SMG5: variants seen among roughly 807,000 people sequenced by gnomAD.
SMG5 encodes nonsense-mediated mRNA decay factor SMG5.
A neutral mutation model predicts 122.9 loss-of-function variants in SMG5; 53 were observed. That is an observed-to-expected ratio of 0.43 (90% CI 0.35 to 0.54). The LOEUF (loss-of-function observed/expected upper bound fraction) is 0.54. Among genes scored for constraint, SMG5 ranks in the 20% least tolerant of loss-of-function variants. The pLI is 0.01. For missense variants in SMG5, 1,153 were observed against 1,285.6 expected (o/e 0.90, Z 1.58); for synonymous variants, 477 against 490.2 (o/e 0.97, Z 0.35).
At chr1:156,251,072 G>C (rs1257992349) in intron 20 of SMG5, 76 bp from the exon 21 acceptor site, 3 of 1,562,552 alleles carry the variant, frequency 1.9e-6, no homozygotes, top group Non-Finnish European at 1.7e-6. Flanking sequence ...ATCTCCAGGG[G>C]ACAGGGGCAG....
intron 13 of SMG5, 127 bp downstream of exon 13, chr1:156,263,268 A>G (rs1661942017): frequency 1.9e-6 from 2 of 1,051,658 alleles, no homozygotes; most frequent in Non-Finnish European, 2.8e-6. Context: ...CAGCACAGAT[A>G]GGTGATTAAT....
rs1661315240 is a variant in SMG5, at chr1:156,250,849, A to G, written c.2967+9T>C. On this transcript the variant is annotated intron_variant, in intron 21 of 21. Coordinates refer to ENST00000361813, the MANE Select transcript of SMG5 (RefSeq NM_015327.3). Reference sequence around the variant, plus strand: ...TCCACACCATCCCCCCACCTCACCCATGACCCACCTGCATGGGGCCTGAAA... The same window carrying G: ...TCCACACCATCCCCCCACCTCACCCGTGACCCACCTGCATGGGGCCTGAAA... 3 of 1,613,704 alleles carry G rather than the reference A, an allele frequency of 1.9e-6. No homozygotes were observed. The highest frequency in any genetic ancestry group is 2.5e-6 in the Non-Finnish European group (3 of 1,179,794).
At position 156,249,747 on chromosome 1, in the gene SMG5, A is replaced by G; in HGVS notation, c.*840T>C. 1 of 469,902 alleles carries G rather than the reference A, an allele frequency of 2.1e-6. No individual in the cohort carries two copies. Among genetic ancestry groups the G allele is most frequent in the Non-Finnish European group, 4.4e-6 (1 of 226,906 alleles). The allele number at this position is 469,902 out of a possible 1,614,324, so 29.1% of individuals were successfully genotyped here. ...AAGGGGGGTGGTGGCCTCAGACTGCACCCCCTTTCTTCTCTTCCTGGCATC... is the reference window on the plus strand; with the variant it reads ...AAGGGGGGTGGTGGCCTCAGACTGCGCCCCCTTTCTTCTCTTCCTGGCATC... On this transcript the variant is annotated 3_prime_UTR_variant, in exon 22 of 22. Coordinates refer to ENST00000361813, the MANE Select transcript of SMG5 (RefSeq NM_015327.3).
chr1:156,255,771 T>G (rs913767726), intron 16 of SMG5, among the ~76,000 whole-genome samples: 9 of 151,668 alleles, frequency 5.9e-5, no homozygotes, highest in African/African-American at 2.2e-4. Context: ...AGCTTGGTGA[T>G]GCATGCCTGT....
In SMG5 at chr1:156,251,485, G is replaced by T. The variant is rs201762817; in HGVS notation, c.2754-8C>A. The T allele has an allele frequency of 6.2e-7, 1 of 1,613,566 alleles. No individual in the cohort carries two copies. Among genetic ancestry groups the T allele is most frequent in the Middle Eastern group, 1.7e-4 (1 of 5,820 alleles). On this transcript the variant is annotated splice_region_variant and splice_polypyrimidine_tract_variant and intron_variant, in intron 19 of 21. Transcript: ENST00000361813. ...TTCTGGCAGCGAATGTACCTGCAGA[G>T]GAGATGTGCGAGTGGAGGTCAGGAG...
At chr1:156,273,049 CTA>C (rs1163256829) in intron 6 of SMG5, among the ~76,000 whole-genome samples, 3 of 152,152 alleles carry the variant, frequency 2.0e-5, no homozygotes, top group African/African-American at 7.2e-5. Flanking sequence ...CCATCTCTCT[CTA>C]TAATAGTCTT....
chr1:156,261,523 G>C (rs962501852), intron 13 of SMG5, 115 bp from the exon 14 acceptor site: 40 of 790,392 alleles, frequency 5.1e-5, no homozygotes, highest in Non-Finnish European at 8.1e-5. Context: ...GCCTGTGGGG[G>C]TTTGATTTTA....
At chr1:156,256,219 A>G (rs913830303) in intron 16 of SMG5, among the ~76,000 whole-genome samples, 1 of 151,906 alleles carries the variant, frequency 6.6e-6, no homozygotes, top group Non-Finnish European at 1.5e-5. Flanking sequence ...TGTCCTGCCC[A>G]AGGTGCCAAG....
chr1:156,265,997 C>G lies in SMG5; in HGVS notation c.1639G>C (p.Glu547Gln). ...PTLEPPRGRSEAPDSLNGPLG... is the reference protein window; with the variant it reads ...PTLEPPRGRSQAPDSLNGPLG... ...GGGCCATTGAGGGAATCGGGAGCCT[C>G]TGATCTGCCCCGAGGGGGCTCCAGG... Residue 547 changes from glutamate (E) to glutamine (Q), a missense_variant, in exon 12 of 22, where the codon GAG (glutamate) becomes CAG (glutamine). This residue lies in a region of SMG5 where 631 missense variants were observed against 650.6 expected (regional missense o/e 0.97). Coordinates refer to ENST00000361813, the MANE Select transcript of SMG5 (RefSeq NM_015327.3). 1 of 1,614,206 alleles carries G rather than the reference C, an allele frequency of 6.2e-7. No homozygotes were observed. Among genetic ancestry groups the G allele is most frequent in the Non-Finnish European group, 8.5e-7 (1 of 1,180,038 alleles).
rs372656209 is a variant in SMG5 at position 156,260,514 on chromosome 1, G to A, written c.2220C>T (p.Leu740=). The A allele has an allele frequency of 1.9e-6, 3 of 1,589,384 alleles. No individual in the cohort carries two copies. The highest frequency in any genetic ancestry group is 2.6e-6 in the Non-Finnish European group (3 of 1,171,302). The change falls in exon 15 of 22, where the codon CTC becomes CTT. Residue 740 remains leucine, a synonymous_variant. Coordinates refer to ENST00000361813, the MANE Select transcript of SMG5 (RefSeq NM_015327.3). The stretch of plus-strand genomic sequence containing the variant: ...AGTTAAAGCGTCTGTGGGCAGCTCG[G>A]AGCGGGGGCAGGTTACGAAGAGCCA... ...EDMALRNLPP[L]RAAHRRFNFD...
At chr1:156,273,287 C>T (rs1376891310) in intron 6 of SMG5, 74 bp downstream of exon 6, 5 of 1,218,420 alleles carry the variant, frequency 4.1e-6, no homozygotes, top group Non-Finnish European at 6.1e-6. Flanking sequence ...TATGAACTGC[C>T]TGCCATCTCA....
rs894122455 is a variant in SMG5, at chr1:156,282,627, G to C, written c.54C>G (p.Leu18=). The C allele has an allele frequency of 3.4e-5, 54 of 1,608,872 alleles. No homozygotes were observed. The highest frequency in any genetic ancestry group is 4.1e-5 in the Non-Finnish European group (48 of 1,179,720). The part of the protein sequence containing the change: ...GESSEPEAKV[L]HTKRLYRAVV... Reference sequence around the variant, plus strand: ...CTCACCGGTAAAGCCGCTTAGTGTGGAGGACTTTTGCTTCGGGCTCGCTGC... The same window carrying C: ...CTCACCGGTAAAGCCGCTTAGTGTGCAGGACTTTTGCTTCGGGCTCGCTGC... The change falls in exon 1 of 22, where the codon CTC becomes CTG. Residue 18 remains leucine (L), a synonymous_variant. Coordinates refer to ENST00000361813, the MANE Select transcript of SMG5 (RefSeq NM_015327.3).
In SMG5 at chr1:156,277,962, T is replaced by G. The variant is rs1662756551; in HGVS notation, c.260A>C (p.Tyr87Ser). Residue 87 changes from tyrosine (Y) to serine (S), a missense_variant, in exon 3 of 22, where the codon TAC becomes TCC. Coordinates refer to ENST00000361813, the MANE Select transcript of SMG5 (RefSeq NM_015327.3). ...KAEELLWRKVYYEVIQLIKTN... is the reference protein window; with the variant it reads ...KAEELLWRKVSYEVIQLIKTN... ...CTTGATAAGCTGGATAACTTCATAGTATACCTTTCTCCACAGCAGCTCCTC... is the reference window on the plus strand; with the variant it reads ...CTTGATAAGCTGGATAACTTCATAGGATACCTTTCTCCACAGCAGCTCCTC... 6.2e-7 allele frequency: 1 copy of G among 1,614,038 alleles called. No individual in the cohort carries two copies. The highest frequency in any genetic ancestry group is 1.3e-5 in the African/African-American group (1 of 74,922).
chr1:156,286,048 G>A (rs975546663), upstream of SMG5: 18 of 1,544,688 alleles, frequency 1.2e-5, no homozygotes, highest in Admixed American at 1.9e-5. Flanking sequence ...CCTGGCTGGT[G>A]TGGGGAGCAG....
chr1:156,279,176 A>G, intron 1 of SMG5, 142 bp from the exon 2 acceptor site: 2 of 694,808 alleles, frequency 2.9e-6, no homozygotes. Flanking sequence ...CTCTGTACAA[A>G]ACAAGATGAA....
At chr1:156,279,079 T>C (rs780534100) in intron 1 of SMG5, 45 bp from the exon 2 acceptor site, 3 of 1,510,766 alleles carry the variant, frequency 2.0e-6, no homozygotes, top group South Asian at 2.2e-5. Context: ...ATATGCATGG[T>C]CCACAGAGGA....
At chr1:156,285,220 C>T, upstream of SMG5, 2 of 1,525,062 alleles carry the variant, frequency 1.3e-6, no homozygotes, top group Non-Finnish European at 1.8e-6. Flanking sequence ...AGAACTGAGG[C>T]CCCAGGATGA....
chr1:156,281,857 G>C (rs1276662615), intron 1 of SMG5, among the ~76,000 whole-genome samples: 1 of 152,176 alleles, frequency 6.6e-6, no homozygotes, highest in Non-Finnish European at 1.5e-5. Flanking sequence ...GAGGGCTGAA[G>C]GGCTGAAGAT....
the SMG5 span, chr1:156,291,372 C>G: frequency 6.2e-7 from 1 of 1,613,056 alleles, no homozygotes; most frequent in Admixed American, 1.7e-5. Flanking sequence ...TGACCCTTTT[C>G]TTGCCCCCAT....
Sources: allele counts gnomAD v4.1 joint callset (sites outside exome capture counted in the v4.1 genomes callset), GRCh38; gene constraint gnomAD v4.1.1; regional missense constraint gnomAD v4.1.1; transcripts MANE v1.5; gene names NCBI Gene and HGNC (gene_info 2026-07-23, HGNC 2026-07-21).